Variants in SHMT2 observed in about 807,000 individuals in gnomAD.
SHMT2 encodes the protein serine hydroxymethyltransferase, mitochondrial.
SHMT2 carries 38 observed loss-of-function variants against 59.6 expected under a neutral mutation model. The ratio of observed to expected loss-of-function variants is 0.64; its 90% CI spans 0.49 to 0.84. The LOEUF is 0.84. SHMT2 is among the 40% of genes least tolerant of loss of function. The pLI is 0.00. For missense variants in SHMT2, 533 were observed against 659.5 expected, an observed-to-expected ratio of 0.81 and a Z score of 2.10; for synonymous variants, 254 against 258.1, an observed-to-expected ratio of 0.98 and a Z score of 0.15.
chr12:57,234,477 G>T lies in SHMT2; in HGVS notation c.*116G>T, dbSNP rs185235043. 3.5e-6 allele frequency: 4 copies of T among 1,150,930 alleles called. No homozygotes were observed. The African/African-American group carries it at 4.7e-5, about 13-fold the overall frequency. The allele number at this position is 1,150,930 out of a possible 1,614,324, so 71.3% of individuals were successfully genotyped here. ...TGCGGGAGGGAAGACCTCTCACTTA[G>T]GGCAAGAGCCAGGTATAGTCTCCCT... On this transcript the variant is annotated 3_prime_UTR_variant, in exon 12 of 12. Transcript: ENST00000328923.
chr12:57,229,818 A>C lies in SHMT2; in HGVS notation c.33+7A>C, dbSNP rs769639859. On this transcript the variant is annotated splice_region_variant and intron_variant, in intron 1 of 11. Coordinates refer to ENST00000328923, the MANE Select transcript of SHMT2 (RefSeq NM_005412.6). ...TTTGTTTTGGGCGGCTCGGGTAAGA[A>C]TGGGGCTCCAAACGCTGGGTAATCA... The C allele has an allele frequency of 4.3e-6, 7 of 1,614,184 alleles. No homozygotes were observed. The South Asian group carries it at 7.7e-5, about 18-fold the overall frequency.
At position 57,232,797 on chromosome 12, in the gene SHMT2, G is replaced by A. The variant is rs760592358; in HGVS notation, c.811G>A (p.Ala271Thr). ...AKVIPSPFKHADIVTTTTHKT... is the reference protein window; with the variant it reads ...AKVIPSPFKHTDIVTTTTHKT... ...GGTGATTCCCTCGCCTTTCAAGCACGCGGACATCGTCACCACCACTACTCA... is the reference window on the plus strand; with the variant it reads ...GGTGATTCCCTCGCCTTTCAAGCACACGGACATCGTCACCACCACTACTCA... The change falls in exon 7 of 12, where the codon GCG becomes ACG. Residue 271 changes from alanine (A) to threonine (T), a missense_variant. By Grantham distance (58) the Ala-to-Thr change is moderately conservative (BLOSUM62 0). Coordinates refer to ENST00000328923, the MANE Select transcript of SHMT2 (RefSeq NM_005412.6). The A allele has an allele frequency of 3.1e-6, 5 of 1,613,636 alleles. No homozygotes were observed. Among genetic ancestry groups the A allele is most frequent in the South Asian group, 1.1e-5 (1 of 91,082 alleles).
rs769900073 is a variant in SHMT2 at position 57,231,827 on chromosome 12, C to T, written c.426C>T (p.Ser142=). The T allele has an allele frequency of 2.3e-5, 37 of 1,614,094 alleles. 1 individual carries two copies. The highest frequency in any genetic ancestry group is 2.8e-5 in the Non-Finnish European group (33 of 1,180,014). Residue 142 remains serine, a synonymous_variant, in exon 4 of 12, where the codon TCC becomes TCT. Coordinates refer to ENST00000328923, the MANE Select transcript of SHMT2 (RefSeq NM_005412.6). ...AQWGVNVQPY[S]GSPANLAVYT... ...GGGGAGTCAATGTCCAGCCCTACTC[C>T]GGGTCCCCAGCCAACCTGGCCGTCT...
Position 57,231,777 on chromosome 12 carries a change from G to A in SHMT2, c.376G>A (p.Ala126Thr). Residue 126 changes from alanine (A) to threonine (T), a missense_variant, in exon 4 of 12, where the codon GCC becomes ACC. By Grantham distance (58) the Ala-to-Thr change is moderately conservative (BLOSUM62 0). Transcript: ENST00000328923. ...GCTGTGCCAGCGCCGGGCCTTGGAAGCCTTTGACCTGGATCCTGCACAGTG... is the reference window on the plus strand; with the variant it reads ...GCTGTGCCAGCGCCGGGCCTTGGAAACCTTTGACCTGGATCCTGCACAGTG... ...ELLCQRRALEAFDLDPAQWGV... is the reference protein window; with the variant it reads ...ELLCQRRALETFDLDPAQWGV... 1 of 1,614,106 alleles carries A rather than the reference G, an allele frequency of 6.2e-7. No homozygotes were observed.
intron 1 of SHMT2, 82 bp downstream of exon 1, chr12:57,229,893 G>A: frequency 1.3e-6 from 2 of 1,580,878 alleles, no homozygotes; most frequent in Non-Finnish European, 1.7e-6. Flanking sequence ...CAAACTCTGG[G>A]GTTCTCTTGG....
rs747029594 is a variant in SHMT2 at position 57,232,748 on chromosome 12, C to A, written c.762C>A (p.His254Gln). ...CACACCTGCTGGCAGACATGGCCCA[C>A]ATCAGTGGCCTGGTGGCTGCCAAGG... ...VKAHLLADMA[H>Q]ISGLVAAKVI... The change falls in exon 7 of 12, where the codon CAC becomes CAA. Residue 254 changes from histidine (H) to glutamine (Q), a missense_variant. By Grantham distance (24) the His-to-Gln change is conservative. Transcript: ENST00000328923. 1 of 1,613,164 alleles carries A rather than the reference C, an allele frequency of 6.2e-7. No homozygotes were observed. Among genetic ancestry groups the A allele is most frequent in the Non-Finnish European group, 8.5e-7 (1 of 1,179,234 alleles).
At position 57,234,014 on chromosome 12, in the gene SHMT2, T is replaced by G; in HGVS notation, c.1291T>G (p.Leu431Val). Residue 431 changes from leucine (L) to valine (V), a missense_variant, in exon 11 of 12, where the codon TTA becomes GTA. Physicochemically the swap from Leu to Val is conservative, Grantham distance 32. Transcript: ENST00000328923. ...PGGLRLGAPA[L>V]TSRQFREDDF... ...GTGCCTCGTTCCAGGGGCCCCAGCC[T>G]TAACTTCTCGACAGTTCCGTGAGGA... 6.2e-7 allele frequency: 1 copy of G among 1,614,228 alleles called. No homozygotes were observed. Among genetic ancestry groups the G allele is most frequent in the South Asian group, 1.1e-5 (1 of 91,082 alleles).
Position 57,234,423 on chromosome 12 carries a change from G to A in SHMT2, c.*62G>A. On this transcript the variant is annotated 3_prime_UTR_variant, in exon 12 of 12. Coordinates refer to ENST00000328923, the MANE Select transcript of SHMT2 (RefSeq NM_005412.6). The stretch of plus-strand genomic sequence containing the variant: ...ACTCTCCTTCCCCCTACCTGGGCCA[G>A]TGAAATAGAAAGCCTTTCTATTTTT... 6.7e-6 allele frequency: 10 copies of A among 1,500,394 alleles called. No individual in the cohort carries two copies. In the South Asian group the frequency reaches 1.4e-4, roughly 21 times the overall value. 92.9% of individuals were successfully genotyped at this position (1,500,394 alleles called of 1,614,324 possible).
At chr12:57,231,315 G>T in intron 2 of SHMT2, 166 bp from the exon 3 acceptor site, 1 of 729,390 alleles carries the variant, frequency 1.4e-6, no homozygotes. Flanking sequence ...TGGCAGATGG[G>T]TTTCTGAGAA....
chr12:57,232,252 C>A lies in SHMT2; in HGVS notation c.554C>A (p.Ala185Asp). 1.9e-6 allele frequency: 3 copies of A among 1,614,164 alleles called. No individual in the cohort carries two copies. The highest frequency in any genetic ancestry group is 2.5e-6 in the Non-Finnish European group (3 of 1,180,004). ...GYMSDVKRIS[A>D]TSIFFESMPY... ...ATGTCTGACGTCAAGCGGATATCAG[C>A]CACGTCCATCTTCTTCGAGTCTATG... The change falls in exon 5 of 12, where the codon GCC becomes GAC. Residue 185 changes from alanine to aspartate, a missense_variant. Transcript: ENST00000328923.
chr12:57,229,754 G>GA lies in SHMT2; in HGVS notation c.-24dup, dbSNP rs1409846883. 13 of 1,614,112 alleles carry GA rather than the reference G, an allele frequency of 8.1e-6. No homozygotes were observed. The highest frequency in any genetic ancestry group is 1.1e-5 in the Non-Finnish European group (13 of 1,179,936). Reference sequence around the variant, plus strand: ...TGCCCTAGACCAGAGTTGGTGGCTGGACCTCCTGCGACTTCCGAGTTGCGA... The same window carrying GA: ...TGCCCTAGACCAGAGTTGGTGGCTGGAACCTCCTGCGACTTCCGAGTTGCGA... On this transcript the variant is annotated 5_prime_UTR_variant, in exon 1 of 12. Transcript: ENST00000328923.
chr12:57,231,128 T>C (rs2037299139), intron 2 of SHMT2, 128 bp downstream of exon 2: 2 of 930,208 alleles, frequency 2.2e-6, no homozygotes, highest in Admixed American at 4.6e-5. Flanking sequence ...TTATCTTCCT[T>C]TCTTATCTCC....
At chr12:57,230,075 C>T (rs1238073909) in intron 1 of SHMT2, 1 of 1,385,896 alleles carries the variant, frequency 7.2e-7, no homozygotes, top group Non-Finnish European at 9.4e-7. Context: ...GAGGACAGCC[C>T]CGGATGCCCC....
intron 10 of SHMT2, 32 bp from the exon 11 acceptor site, chr12:57,233,971 A>G (rs1565773506): frequency 1.2e-6 from 2 of 1,613,950 alleles, no homozygotes; most frequent in Non-Finnish European, 1.7e-6. Context: ...ACCTTGGGCT[A>G]TGCTCATCCC....
Position 57,234,606 on chromosome 12 carries a change from ACAGTGTCAGAGACG to A in SHMT2, c.*247_*260del, listed in dbSNP as rs1263217684. 6.9e-5 allele frequency: 24 copies of A among 349,260 alleles called. No individual in the cohort carries two copies. In the East Asian group the frequency reaches 8.5e-4, roughly 12 times the overall value. 21.6% of individuals were successfully genotyped at this position (349,260 alleles called of 1,614,324 possible). A position where few individuals can be genotyped will look rare whatever the true frequency, so the allele number is the denominator to read the frequency against. On this transcript the variant is annotated 3_prime_UTR_variant, in exon 12 of 12. Coordinates refer to ENST00000328923, the MANE Select transcript of SHMT2 (RefSeq NM_005412.6). ...TTCTGTTTGAACCCCTGTCATGATC[ACAGTGTCAGAGACG>A]CGTCCTCTTTCTTGGGGAAGTTGAG... is the stretch of plus-strand genomic sequence containing the variant.
chr12:57,231,437 G>C (rs2037313320), intron 2 of SHMT2, 44 bp from the exon 3 acceptor site: 3 of 1,596,430 alleles, frequency 1.9e-6, no homozygotes, highest in Non-Finnish European at 2.6e-6. Flanking sequence ...GGAGTCCAGG[G>C]GAAGGGGCTC....
At chr12:57,233,149 C>T (rs772589282) in intron 7 of SHMT2, 31 bp from the exon 8 acceptor site, 39 of 1,517,372 alleles carry the variant, frequency 2.6e-5, no homozygotes, top group Non-Finnish European at 3.4e-5. Flanking sequence ...TTCTTTTCAG[C>T]TTAGACTCTG....
At position 57,233,217 on chromosome 12, in the gene SHMT2, G is replaced by A. The variant is rs201477117; in HGVS notation, c.895G>A (p.Val299Met). 17 of 1,597,800 alleles carry A rather than the reference G, an allele frequency of 1.1e-5. No individual in the cohort carries two copies. The East Asian group carries it at 3.6e-4, about 34-fold the overall frequency. The part of the protein sequence containing the change: ...LIFYRKGVKA[V>M]DPKTGREIPY... ...CTTCTACCGGAAAGGGGTGAAGGCT[G>A]TGGACCCCAAGACTGGCCGGGAGAT... Residue 299 changes from valine to methionine, a missense_variant, in exon 8 of 12, where the codon GTG becomes ATG. Val to Met is a conservative substitution (Grantham distance 21). Transcript: ENST00000328923.
rs2037291550 is a variant in SHMT2, at chr12:57,230,968, C to T, written c.199C>T (p.Gln67Ter). The change falls in exon 2 of 12, where the codon CAG (glutamine) becomes TAG (stop). Residue 67 changes from glutamine (Q) to a stop codon, truncating the protein, a stop_gained. Transcript: ENST00000328923. LOFTEE classifies it high-confidence loss of function. ...GTTGCTGCAGAGGGAGAAGGACAGG[C>T]AGTGTCGTGGCCTGGAGCTCATTGC... is the stretch of plus-strand genomic sequence containing the variant. The part of the protein sequence containing the change: ...WELLQREKDR[Q>*]CRGLELIASE... 1.9e-6 allele frequency: 3 copies of T among 1,613,616 alleles called. No individual in the cohort carries two copies. Among genetic ancestry groups the T allele is most frequent in the Admixed American group, 1.7e-5 (1 of 60,008 alleles).
Sources: allele counts gnomAD v4.1 joint callset, GRCh38; gene constraint gnomAD v4.1.1; transcripts MANE v1.5; gene names NCBI Gene and HGNC (gene_info 2026-07-23, HGNC 2026-07-21).